SEZ6L: variants seen among roughly 807,000 people sequenced by gnomAD.
SEZ6L encodes the protein seizure 6-like protein.
A neutral mutation model predicts 106.2 loss-of-function variants in SEZ6L; 37 were observed. That is an observed-to-expected ratio of 0.35 (90% CI 0.27 to 0.46). The LOEUF (loss-of-function observed/expected upper bound fraction) is 0.46. Among genes scored for constraint, SEZ6L ranks in the 20% least tolerant of loss-of-function variants. SEZ6L has a pLI of 1.00. For missense variants in SEZ6L, 1,172 were observed against 1,332.8 expected, an observed-to-expected ratio of 0.88 and a Z score of 1.88; for synonymous variants, 541 against 570.4, an observed-to-expected ratio of 0.95 and a Z score of 0.73.
intron 12 of SEZ6L, among the ~76,000 whole-genome samples, chr22:26,364,449 C>T (rs745419140): frequency 2.8e-5 from 4 of 143,978 alleles, no homozygotes; most frequent in Admixed American, 7.0e-5. Flanking sequence ...AAAAAAAAGC[C>T]GAGTGTGGCG....
In SEZ6L at chr22:26,382,120, G is replaced by C. The variant is rs542926685; in HGVS notation, c.*1825G>C. ...TGCACATATACTCCTGAAGGCATGA[G>C]TGTGTGGTCCATGGCAAGAAATAGC... is the stretch of plus-strand genomic sequence containing the variant. On this transcript the variant is annotated 3_prime_UTR_variant, in exon 17 of 17. Transcript: ENST00000248933. 4.3e-4 allele frequency: 215 copies of C among 503,384 alleles called. 2 individuals are homozygous for C. Among genetic ancestry groups the C allele is most frequent in the South Asian group, 2.6e-3 (179 of 68,826 alleles). 31.2% of individuals were successfully genotyped at this position (503,384 alleles called of 1,614,324 possible). A position where few individuals can be genotyped will look rare whatever the true frequency, so the allele number is the denominator to read the frequency against.
At chr22:26,263,241 A>C (rs910293052) in intron 1 of SEZ6L, among the ~76,000 whole-genome samples, 2 of 152,184 alleles carry the variant, frequency 1.3e-5, no homozygotes, top group Non-Finnish European at 2.9e-5. Flanking sequence ...ACCACTGCCT[A>C]CTGTGTAACC....
At chr22:26,363,088 G>T (rs1165555807) in intron 12 of SEZ6L, among the ~76,000 whole-genome samples, 2 of 152,198 alleles carry the variant, frequency 1.3e-5, no homozygotes, top group African/African-American at 4.8e-5. Flanking sequence ...TGGTCTAACA[G>T]GGAAAGCCAT....
At chr22:26,253,303 C>T (rs1240028522) in intron 1 of SEZ6L, among the ~76,000 whole-genome samples, 1 of 152,186 alleles carries the variant, frequency 6.6e-6, no homozygotes, top group African/African-American at 2.4e-5. Context: ...CTCTCCACTC[C>T]TGCATAAAAT....
chr22:26,278,933 GAAAGAAAGAAAGAA>G (rs778193774), intron 1 of SEZ6L, among the ~76,000 whole-genome samples: 70 of 104,944 alleles, frequency 6.7e-4, no homozygotes, highest in Non-Finnish European at 1.1e-3. Flanking sequence ...GGAAGAAGAA[GAAAGAAAGAAAGAA>G]AAAGAAAGAA....
intron 1 of SEZ6L, among the ~76,000 whole-genome samples, chr22:26,203,372 C>T (rs1459715639): frequency 2.0e-5 from 3 of 152,200 alleles, no homozygotes; most frequent in Non-Finnish European, 4.4e-5. Flanking sequence ...CACCATTGGG[C>T]ATGTTGTGAT....
At chr22:26,274,303 T>C (rs2080469274) in intron 1 of SEZ6L, among the ~76,000 whole-genome samples, 2 of 152,082 alleles carry the variant, frequency 1.3e-5, no homozygotes, top group South Asian at 4.2e-4. Flanking sequence ...ACCATGGATA[T>C]AGGACCTTGG....
chr22:26,365,377 G>T lies in SEZ6L; in HGVS notation c.2605G>T (p.Glu869Ter). Reference protein sequence around the residue: ...TSRLPHCVSEESLACDNPGLP... With the variant: ...TSRLPHCVSE ...CCTTCTGGCTTGCATTTCAGCGGAGGAGTCCCTGGCATGTGACAACCCAGG... is the reference window on the plus strand; with the variant it reads ...CCTTCTGGCTTGCATTTCAGCGGAGTAGTCCCTGGCATGTGACAACCCAGG... Residue 869 changes from glutamate (E) to a stop codon, truncating the protein, a stop_gained, in exon 13 of 17, where the codon GAG becomes TAG. Coordinates refer to ENST00000248933, the MANE Select transcript of SEZ6L (RefSeq NM_021115.5). LOFTEE classifies it high-confidence loss of function. The T allele has an allele frequency of 1.2e-6, 2 of 1,601,742 alleles. No individual in the cohort carries two copies. The highest frequency in any genetic ancestry group is 1.7e-6 in the Non-Finnish European group (2 of 1,169,754).
At chr22:26,310,586 G>A in intron 6 of SEZ6L, 84 bp from the exon 7 acceptor site, 3 of 1,443,238 alleles carry the variant, frequency 2.1e-6, no homozygotes, top group South Asian at 2.5e-5. Flanking sequence ...GGCTCCAGAG[G>A]CAGTCGTAGC....
chr22:26,344,589 T>G (rs1380496902), intron 10 of SEZ6L, among the ~76,000 whole-genome samples: 1 of 152,214 alleles, frequency 6.6e-6, no homozygotes, highest in African/African-American at 2.4e-5. Flanking sequence ...GTGGTGTGCA[T>G]TCAGTGCATT....
chr22:26,321,506 C>A (rs1442809110), intron 9 of SEZ6L, among the ~76,000 whole-genome samples: 1 of 152,194 alleles, frequency 6.6e-6, no homozygotes, highest in Non-Finnish European at 1.5e-5. Context: ...TGGTCACCAG[C>A]CCGAGGCTCA....
intron 1 of SEZ6L, among the ~76,000 whole-genome samples, chr22:26,207,905 T>C (rs940446934): frequency 8.1e-6 from 1 of 123,688 alleles, no homozygotes; most frequent in African/African-American, 3.7e-5. Flanking sequence ...TAAATATTCA[T>C]GTGTATTTTT....
intron 1 of SEZ6L, among the ~76,000 whole-genome samples, chr22:26,191,739 A>G (rs1940235563): frequency 6.6e-6 from 1 of 152,210 alleles, no homozygotes; most frequent in African/African-American, 2.4e-5. Flanking sequence ...TGTATCCCTG[A>G]ACTTAAAATA....
At chr22:26,264,025 C>T (rs2145824092) in intron 1 of SEZ6L, among the ~76,000 whole-genome samples, 1 of 152,322 alleles carries the variant, frequency 6.6e-6, no homozygotes, top group South Asian at 2.1e-4. Context: ...ACGTGTGAAA[C>T]CCCCCATTGC....
chr22:26,253,187 C>T (rs2079666306), intron 1 of SEZ6L, among the ~76,000 whole-genome samples: 1 of 152,204 alleles, frequency 6.6e-6, no homozygotes, highest in Non-Finnish European at 1.5e-5. Flanking sequence ...GCAAATTACA[C>T]ATCTGGCTTT....
chr22:26,356,858 C>T (rs941718644), intron 12 of SEZ6L, among the ~76,000 whole-genome samples: 2 of 151,974 alleles, frequency 1.3e-5, no homozygotes, highest in African/African-American at 4.8e-5. Context: ...GATGAGTCAT[C>T]ACCAAAACAA....
intron 10 of SEZ6L, among the ~76,000 whole-genome samples, chr22:26,346,299 C>G (rs934143763): frequency 6.6e-6 from 1 of 152,192 alleles, no homozygotes; most frequent in Admixed American, 6.5e-5. Context: ...ACCTTGGCTT[C>G]CCAAAGTGCT....
intron 1 of SEZ6L, among the ~76,000 whole-genome samples, chr22:26,268,919 G>T (rs902749115): frequency 6.6e-6 from 1 of 152,202 alleles, no homozygotes. Context: ...TTTACCCAAC[G>T]TGAGGGCTTT....
chr22:26,207,980 A>G (rs1941366766), intron 1 of SEZ6L, among the ~76,000 whole-genome samples: 2 of 147,312 alleles, frequency 1.4e-5, no homozygotes, highest in East Asian at 2.0e-4. Context: ...CGCGATCTCG[A>G]CTCACTGCAA....
Sources: allele counts gnomAD v4.1 joint callset (sites outside exome capture counted in the v4.1 genomes callset), GRCh38; gene constraint gnomAD v4.1.1; transcripts MANE v1.5; gene names NCBI Gene and HGNC (gene_info 2026-07-23, HGNC 2026-07-21).